The following UXS1 variants were observed in gnomAD, a reference collection of about 807,000 sequenced individuals.
UXS1 encodes UDP-glucuronate decarboxylase 1, also known as UDP-glucuronic acid decarboxylase 1.
In UXS1, 33 loss-of-function variants were observed where a neutral mutation model predicts 62.6. The ratio of observed to expected loss-of-function variants is 0.53; its 90% CI spans 0.40 to 0.70. The LOEUF is 0.70. UXS1 is among the 30% of genes least tolerant of loss of function. The probability of loss-of-function intolerance (pLI) is 0.00; values close to 1 mark genes in which losing one functional copy is unlikely to be tolerated. For missense variants in UXS1, 434 were observed against 556.3 expected, an observed-to-expected ratio of 0.78 and a Z score of 2.21; for synonymous variants, 213 against 206.8, an observed-to-expected ratio of 1.03 and a Z score of -0.26.
chr2:106,096,818 C>G lies in UXS1; in HGVS notation c.1046G>C (p.Ser349Thr). The change falls in exon 14 of 15, where the codon AGC (serine) becomes ACC (threonine). Residue 349 changes from serine to threonine, a missense_variant. By Grantham distance (58) the Ser-to-Thr change is moderately conservative. Transcript: ENST00000283148. The stretch of plus-strand genomic sequence containing the variant: ...GGAGAGAAACTGAATTTCACTTCCG[C>G]TACCTGAGATGTTTAAAGAAAAAAA... ...FAQLIKNLVGSGSEIQFLSEA... is the reference protein window; with the variant it reads ...FAQLIKNLVGTGSEIQFLSEA... 2 of 1,582,298 alleles carry G rather than the reference C, an allele frequency of 1.3e-6. No individual in the cohort carries two copies. The highest frequency in any genetic ancestry group is 3.3e-4 in the Middle Eastern group (2 of 6,026).
At chr2:106,095,142 T>C (rs1430950821) in intron 14 of UXS1, among the ~76,000 whole-genome samples, 1 of 152,218 alleles carries the variant, frequency 6.6e-6, no homozygotes, top group Non-Finnish European at 1.5e-5. Flanking sequence ...ATAAAGATAC[T>C]GAGCATACAC....
intron 1 of UXS1, among the ~76,000 whole-genome samples, chr2:106,168,077 CT>C (rs1683322128): frequency 6.6e-6 from 1 of 152,212 alleles, no homozygotes; most frequent in South Asian, 2.1e-4. Flanking sequence ...AGGAGAATCA[CT>C]TGAGCCCTGG....
At chr2:106,181,144 C>T (rs1684217503) in intron 1 of UXS1, among the ~76,000 whole-genome samples, 3 of 152,160 alleles carry the variant, frequency 2.0e-5, no homozygotes, top group African/African-American at 7.2e-5. Flanking sequence ...GCGGAGAGGT[C>T]ACTGGAGTTT....
chr2:106,112,948 CA>C (rs1678740200), intron 9 of UXS1, among the ~76,000 whole-genome samples, 183 bp from the exon 10 acceptor site: 1 of 152,174 alleles, frequency 6.6e-6, no homozygotes, highest in African/African-American at 2.4e-5. Context: ...GGAGACTACA[CA>C]GGGCTATACC....
intron 4 of UXS1, chr2:106,160,673 C>G (rs569925751): frequency 1.1e-4 from 16 of 152,208 alleles, no homozygotes; most frequent in African/African-American, 3.6e-4. Flanking sequence ...GCTACTTATA[C>G]CAAGAGGAAA....
chr2:106,169,877 T>G (rs1470647347), intron 1 of UXS1, among the ~76,000 whole-genome samples: 1 of 152,040 alleles, frequency 6.6e-6, no homozygotes, highest in South Asian at 2.1e-4. Flanking sequence ...GTGACGCCCA[T>G]GCTTCCCAGG....
intron 9 of UXS1, among the ~76,000 whole-genome samples, chr2:106,120,031 T>C (rs1170811954): frequency 3.9e-5 from 6 of 152,150 alleles, no homozygotes; most frequent in African/African-American, 1.4e-4. Context: ...TCTGCTCCTT[T>C]GCGCAGAGAG....
chr2:106,158,583 T>C (rs1308035032), intron 4 of UXS1, among the ~76,000 whole-genome samples: 3 of 152,186 alleles, frequency 2.0e-5, no homozygotes, highest in East Asian at 1.9e-4. Flanking sequence ...CCAATATAAC[T>C]AGGAGAGGAA....
rs538116603 is a variant in UXS1 at position 106,119,229 on chromosome 2, C to T, written c.759+3741G>A. The stretch of plus-strand genomic sequence containing the variant: ...TGTGCGAGCTGCAAAGGAGCCTTGG[C>T]GCCTTTGGACTTGGAGCTGCATGGT... On this transcript the variant is annotated intron_variant, in intron 9 of 14. Transcript: ENST00000283148. Among the ~76,000 whole-genome samples, 3 of 152,302 alleles carry T rather than the reference C, an allele frequency of 2.0e-5. No individual in the cohort carries two copies. The East Asian group carries it at 5.8e-4, about 29-fold the overall frequency.
intron 6 of UXS1, among the ~76,000 whole-genome samples, chr2:106,130,976 G>A (rs1680409258): frequency 6.6e-6 from 1 of 152,050 alleles, no homozygotes. Context: ...GGTGATTTCT[G>A]CATTTCCATC....
At chr2:106,103,133 G>A (rs1677730488) in intron 11 of UXS1, among the ~76,000 whole-genome samples, 1 of 152,258 alleles carries the variant, frequency 6.6e-6, no homozygotes, top group Non-Finnish European at 1.5e-5. Flanking sequence ...GAGCGGGCCA[G>A]GGTGCATTTT....
intron 1 of UXS1, among the ~76,000 whole-genome samples, chr2:106,179,069 G>C (rs1684080814): frequency 6.6e-6 from 1 of 152,100 alleles, no homozygotes; most frequent in Non-Finnish European, 1.5e-5. Context: ...CATGGTCACT[G>C]GTGTCTGGCT....
intron 6 of UXS1, among the ~76,000 whole-genome samples, chr2:106,140,259 C>A (rs1180343138): frequency 1.3e-5 from 2 of 152,146 alleles, no homozygotes; most frequent in Non-Finnish European, 2.9e-5. Context: ...TGTGAAGCCA[C>A]CGCAGGGGAA....
At chr2:106,185,462 A>G (rs558852327) in intron 1 of UXS1, among the ~76,000 whole-genome samples, 1 of 152,316 alleles carries the variant, frequency 6.6e-6, no homozygotes, top group African/African-American at 2.4e-5. Context: ...CAATGATTCC[A>G]TTCAATTCTG....
chr2:106,138,048 C>T (rs1680806088), intron 6 of UXS1: 1 of 382,230 alleles, frequency 2.6e-6, no homozygotes, highest in Non-Finnish European at 3.6e-6. Context: ...TATCTTTACT[C>T]TTGAGGTGAC....
intron 7 of UXS1, among the ~76,000 whole-genome samples, chr2:106,127,937 A>C (rs1457686364): frequency 1.3e-5 from 2 of 152,032 alleles, no homozygotes; most frequent in Admixed American, 6.6e-5. Context: ...TTCCTTTCCT[A>C]CTAGGTATCA....
At chr2:106,096,644 A>C (rs1677134064) in intron 14 of UXS1, 74 bp downstream of exon 14, 8 of 1,355,028 alleles carry the variant, frequency 5.9e-6, no homozygotes, top group Non-Finnish European at 8.0e-6. Context: ...GACAAGGGTC[A>C]GTGCCTACAG....
intron 8 of UXS1, among the ~76,000 whole-genome samples, chr2:106,125,103 C>T (rs1679821590): frequency 6.6e-6 from 1 of 152,160 alleles, no homozygotes; most frequent in Admixed American, 6.5e-5. Context: ...GAGAGGAAGG[C>T]TGTAGCTTGG....
chr2:106,100,930 G>GGAAAAA, intron 12 of UXS1, 128 bp downstream of exon 12: 1 of 1,164,940 alleles, frequency 8.6e-7, no homozygotes, highest in South Asian at 1.3e-5. Context: ...CTAGTATTTA[G>GGAAAAA]CAAGCAACAA....
Sources: gnomAD v4.1 joint callset for allele counts (sites outside exome capture counted in the v4.1 genomes callset) on GRCh38, gnomAD v4.1.1 for gene constraint, MANE v1.5 for transcripts, NCBI Gene and HGNC (gene_info 2026-07-23, HGNC 2026-07-21) for gene names.